Variants in LRRN1 observed in about 807,000 individuals in gnomAD.
LRRN1 encodes the protein leucine rich repeat neuronal 1.
In LRRN1, 14 loss-of-function variants were observed where a neutral mutation model predicts 45.8. That is an observed-to-expected ratio of 0.31 (90% confidence interval 0.20 to 0.48). The LOEUF is 0.48. Among genes scored for constraint, LRRN1 ranks in the 20% least tolerant of loss-of-function variants. The pLI, the probability that LRRN1 is intolerant of heterozygous loss-of-function variation, is 0.99. For synonymous variants in LRRN1, 359 were observed against 330.1 expected (o/e 1.09, Z -0.95); for missense variants, 789 against 874.2 (o/e 0.90, Z 1.23).
chr3:3,846,816 T>G lies in LRRN1; in HGVS notation c.*24T>G. ...AACTCAGAGGATATTTTGCTTCTGG[T>G]AGTAAGGAGCACAAAGACGTTTTTG... On this transcript the variant is annotated 3_prime_UTR_variant, in exon 2 of 2. Coordinates refer to ENST00000319331, the MANE Select transcript of LRRN1 (RefSeq NM_020873.7). The surrounding 1 kb of genome is among the most constrained non-coding windows in gnomAD (Gnocchi z 5.7). 6.5e-7 allele frequency: 1 copy of G among 1,546,760 alleles called. No homozygotes were observed. Among genetic ancestry groups the G allele is most frequent in the East Asian group, 2.3e-5 (1 of 44,216 alleles).
Position 3,846,182 on chromosome 3 carries a change from T to C in LRRN1, c.1541T>C (p.Ile514Thr), listed in dbSNP as rs748906649. 6.2e-7 allele frequency: 1 copy of C among 1,614,116 alleles called. No individual in the cohort carries two copies. Among genetic ancestry groups the C allele is most frequent in the Non-Finnish European group, 8.5e-7 (1 of 1,180,016 alleles). The change falls in exon 2 of 2, where the codon ATT (isoleucine) becomes ACT (threonine). Residue 514 changes from isoleucine to threonine, a missense_variant. Physicochemically the swap from Ile to Thr is moderately conservative, Grantham distance 89. Transcript: ENST00000319331. This position sits in a 1 kb window ranked among gnomAD's most constrained non-coding sequence, Gnocchi z 5.7. ...GGGGCAGACACTCGGGTGGCAACAA[T>C]TAAGGTTAATGGGACCCTTCTGGAT... ...VQGADTRVAT[I>T]KVNGTLLDGT... is the part of the protein sequence containing the mutation.
intron 1 of LRRN1, among the ~76,000 whole-genome samples, chr3:3,840,141 G>T (rs774377167): frequency 2.6e-5 from 4 of 151,952 alleles, no homozygotes; most frequent in African/African-American, 9.7e-5. Flanking sequence ...TTATGTGTAG[G>T]TACTTTCCTT....
At chr3:3,828,362 C>T (rs772975588) in intron 1 of LRRN1, among the ~76,000 whole-genome samples, 3 of 151,750 alleles carry the variant, frequency 2.0e-5, no homozygotes, top group African/African-American at 2.4e-5. Flanking sequence ...AGGCTAGACC[C>T]GTCTCTCTTT....
intron 1 of LRRN1, among the ~76,000 whole-genome samples, chr3:3,804,707 G>A (rs1373063359): frequency 6.6e-6 from 1 of 152,130 alleles, no homozygotes; most frequent in Non-Finnish European, 1.5e-5. Context: ...GCAGACATGT[G>A]GACTCCACAG....
rs1693819843 is a variant in LRRN1, at chr3:3,848,224, C to T, written c.*1432C>T. On this transcript the variant is annotated 3_prime_UTR_variant, in exon 2 of 2. Coordinates refer to ENST00000319331, the MANE Select transcript of LRRN1 (RefSeq NM_020873.7). ...AAATGATTAATAGAAAACAAAACAA[C>T]TTCCGTACAGTTCAAACTTTTCATC... Among the ~76,000 whole-genome samples the T allele has an allele frequency of 6.6e-6, 1 of 152,166 alleles. No homozygotes were observed. Among genetic ancestry groups the T allele is most frequent in the African/African-American group, 2.4e-5 (1 of 41,440 alleles).
chr3:3,835,351 A>C (rs1316106070), intron 1 of LRRN1, among the ~76,000 whole-genome samples: 1 of 152,212 alleles, frequency 6.6e-6, no homozygotes, highest in Non-Finnish European at 1.5e-5. Flanking sequence ...CACTGCAGTG[A>C]CAGTGAAAAA....
intron 1 of LRRN1, among the ~76,000 whole-genome samples, chr3:3,842,906 G>A (rs1490915483): frequency 2.0e-5 from 3 of 152,074 alleles, no homozygotes; most frequent in Non-Finnish European, 4.4e-5. Flanking sequence ...TTTGCCAGCA[G>A]GTGAGCAGTA....
At position 3,846,282 on chromosome 3, in the gene LRRN1, C is replaced by T. The variant is rs780530188; in HGVS notation, c.1641C>T (p.Ser547=). Residue 547 remains serine (S), a synonymous_variant, in exon 2 of 2, where the codon TCC becomes TCT. Coordinates refer to ENST00000319331, the MANE Select transcript of LRRN1 (RefSeq NM_020873.7). The surrounding 1 kb of genome is among the most constrained non-coding windows in gnomAD (Gnocchi z 5.7). ...HSILVSWKVN[S]NVMTSNLKWS... ...TCTTAGTGTCCTGGAAAGTTAATTCCAATGTCATGACGTCAAACTTAAAAT... is the reference window on the plus strand; with the variant it reads ...TCTTAGTGTCCTGGAAAGTTAATTCTAATGTCATGACGTCAAACTTAAAAT... The T allele has an allele frequency of 6.8e-6, 11 of 1,613,926 alleles. No individual in the cohort carries two copies. In the Admixed American group the frequency reaches 1.7e-4, roughly 24 times the overall value.
At chr3:3,821,060 C>G (rs1235778978) in intron 1 of LRRN1, among the ~76,000 whole-genome samples, 1 of 152,160 alleles carries the variant, frequency 6.6e-6, no homozygotes, top group Non-Finnish European at 1.5e-5. Context: ...AAAAAATATA[C>G]AGATATTCCC....
chr3:3,818,564 G>A (rs752738139), intron 1 of LRRN1, among the ~76,000 whole-genome samples: 10 of 152,164 alleles, frequency 6.6e-5, no homozygotes, highest in Non-Finnish European at 1.0e-4. Flanking sequence ...AATTTTTCCC[G>A]TCGTCCTACT....
chr3:3,837,708 C>CT (rs138443731), intron 1 of LRRN1, among the ~76,000 whole-genome samples: 6 of 149,932 alleles, frequency 4.0e-5, no homozygotes, highest in Non-Finnish European at 3.0e-5. Context: ...ATTTTTTTTT[C>CT]TTTTTTTTTA....
chr3:3,841,049 C>T (rs1343187683), intron 1 of LRRN1, among the ~76,000 whole-genome samples: 1 of 152,028 alleles, frequency 6.6e-6, no homozygotes, highest in Non-Finnish European at 1.5e-5. Flanking sequence ...CCTGTAATCC[C>T]AGCACTTTGG....
chr3:3,841,038 A>C (rs1693641044), intron 1 of LRRN1, among the ~76,000 whole-genome samples: 1 of 152,172 alleles, frequency 6.6e-6, no homozygotes, highest in Non-Finnish European at 1.5e-5. Context: ...GGTGGCTCAC[A>C]CCTGTAATCC....
At chr3:3,833,484 A>G (rs1311544224) in intron 1 of LRRN1, among the ~76,000 whole-genome samples, 1 of 152,174 alleles carries the variant, frequency 6.6e-6, no homozygotes, top group Non-Finnish European at 1.5e-5. Context: ...CTTAATATCC[A>G]TTCCCAAACC....
intron 1 of LRRN1, among the ~76,000 whole-genome samples, chr3:3,823,250 A>T (rs190586738): frequency 4.6e-5 from 7 of 152,242 alleles, no homozygotes; most frequent in Admixed American, 3.3e-4. Flanking sequence ...TACTTAGAGC[A>T]TGGGCTTTGA....
chr3:3,807,157 G>A (rs1692779810), intron 1 of LRRN1, among the ~76,000 whole-genome samples: 1 of 152,108 alleles, frequency 6.6e-6, no homozygotes, highest in Admixed American at 6.5e-5. Flanking sequence ...TATACCTAAG[G>A]ATTAACCACG....
chr3:3,845,475 C>CA lies in LRRN1; in HGVS notation c.834_835insA (p.Gln279ThrfsTer32). ...TCAACAAAAACCCCATTCACAAAAT[C>CA]CAAGAAGGGGACTTCAAAAATATGC... is the stretch of plus-strand genomic sequence containing the variant. On this transcript the variant is annotated frameshift_variant, in exon 2 of 2. Coordinates refer to ENST00000319331, the MANE Select transcript of LRRN1 (RefSeq NM_020873.7). LOFTEE classifies it high-confidence loss of function. This position sits in a 1 kb window ranked among gnomAD's most constrained non-coding sequence, Gnocchi z 6.5. The CA allele has an allele frequency of 1.2e-6, 2 of 1,614,050 alleles. No individual in the cohort carries two copies. Among genetic ancestry groups the CA allele is most frequent in the Non-Finnish European group, 1.7e-6 (2 of 1,180,008 alleles).
intron 1 of LRRN1, among the ~76,000 whole-genome samples, chr3:3,829,552 T>C (rs1354237943): frequency 2.0e-5 from 3 of 152,192 alleles, no homozygotes; most frequent in African/African-American, 7.2e-5. Context: ...TGGAGAACTT[T>C]GCTGCAGCCC....
rs919811412 is a variant in LRRN1, at chr3:3,816,273, C to T, written c.-279+16354C>T. 1.4e-4 allele frequency among the ~76,000 whole-genome samples: 22 copies of T among 152,166 alleles called. No individual in the cohort carries two copies. The highest frequency in any genetic ancestry group is 5.1e-4 in the African/African-American group (21 of 41,506). On this transcript the variant is annotated intron_variant, in intron 1 of 1. Coordinates refer to ENST00000319331, the MANE Select transcript of LRRN1 (RefSeq NM_020873.7). This position sits in a 1 kb window ranked among gnomAD's most constrained non-coding sequence, Gnocchi z 4.0. ...GGTGGATTTATGGTTTCCAGGTCATCGATGATCTGAGCACTTTGAGTATTG... is the reference window on the plus strand; with the variant it reads ...GGTGGATTTATGGTTTCCAGGTCATTGATGATCTGAGCACTTTGAGTATTG...
Sources: allele counts gnomAD v4.1 joint callset (sites outside exome capture counted in the v4.1 genomes callset), GRCh38; gene constraint gnomAD v4.1.1; non-coding constraint Gnocchi (gnomAD v3.1); transcripts MANE v1.5; gene names NCBI Gene and HGNC (gene_info 2026-07-23, HGNC 2026-07-21).